The following MTFR1 variants were observed in gnomAD, a reference collection of about 807,000 sequenced individuals.
MTFR1 encodes the protein chondrocyte protein with a poly-proline region.
Under a neutral mutation model 38.8 loss-of-function variants are expected in MTFR1, and 28 were observed. The observed-to-expected ratio is 0.72, with a 90% CI of 0.53 to 0.99. MTFR1 has a LOEUF of 0.99. MTFR1 is among the 50% of genes least tolerant of loss of function. MTFR1 has a pLI of 0.00. For missense variants in MTFR1, 358 were observed against 395.5 expected (o/e 0.91, Z 0.81); for synonymous variants, 145 against 137.0 (o/e 1.06, Z -0.41).
At chr8:65,688,842 T>C (rs1194484684) in intron 3 of MTFR1, among the ~76,000 whole-genome samples, 1 of 152,120 alleles carries the variant, frequency 6.6e-6, no homozygotes, top group Non-Finnish European at 1.5e-5. Context: ...ACTATGTTGC[T>C]ATTAAGAATA....
intron 4 of MTFR1, among the ~76,000 whole-genome samples, chr8:65,698,362 A>G (rs1805508012): frequency 6.6e-6 from 1 of 150,966 alleles, no homozygotes; most frequent in Admixed American, 6.6e-5. Flanking sequence ...CTGGTCTCAA[A>G]CTCCTGAGCT....
chr8:65,773,878 A>G (rs1269669625), downstream of MTFR1, among the ~76,000 whole-genome samples: 1 of 152,212 alleles, frequency 6.6e-6, no homozygotes, highest in African/African-American at 2.4e-5. Context: ...TTATTTTACT[A>G]AATTCAGTGA....
At chr8:65,718,606 T>A (rs1206916601) in intron 2 of MTFR1, 1 of 152,180 alleles carries the variant, frequency 6.6e-6, no homozygotes, top group Non-Finnish European at 1.5e-5. Context: ...GGCACTGGAG[T>A]GAAAGCTTGG....
At chr8:65,755,754 C>G (rs1455918161) in intron 3 of MTFR1, among the ~76,000 whole-genome samples, 4 of 152,132 alleles carry the variant, frequency 2.6e-5, no homozygotes, top group African/African-American at 9.7e-5. Flanking sequence ...TGTTAATACC[C>G]TTTTATGTCA....
At chr8:65,715,069 A>G (rs144358438), downstream of MTFR1, among the ~76,000 whole-genome samples, 419 of 152,286 alleles carry the variant, frequency 2.8e-3, 1 homozygote, top group African/African-American at 9.7e-3. Context: ...TGTTGAGCCA[A>G]GAGGCCCAAA....
downstream of MTFR1, among the ~76,000 whole-genome samples, chr8:65,712,591 T>TTTTAC (rs1259765591): frequency 6.6e-6 from 1 of 152,232 alleles, no homozygotes; most frequent in Non-Finnish European, 1.5e-5. Flanking sequence ...CAATAGTTAA[T>TTTTAC]TTTACTTTAA....
At chr8:65,680,286 C>G (rs1804838765) in intron 2 of MTFR1, among the ~76,000 whole-genome samples, 1 of 152,060 alleles carries the variant, frequency 6.6e-6, no homozygotes, top group Admixed American at 6.6e-5. Flanking sequence ...GCTTTAGACT[C>G]TCCTGTAGCT....
intron 2 of MTFR1, among the ~76,000 whole-genome samples, chr8:65,681,783 T>C (rs1804903406): frequency 6.6e-6 from 1 of 151,706 alleles, no homozygotes; most frequent in African/African-American, 2.4e-5. Context: ...ATTTCTTACC[T>C]TTCCTTTGGG....
chr8:65,726,980 C>T (rs772286911), intron 3 of MTFR1: 16 of 1,439,154 alleles, frequency 1.1e-5, no homozygotes, highest in Middle Eastern at 1.7e-4. Flanking sequence ...CAACAAAGGA[C>T]GTTTCTGAGT....
upstream of MTFR1, among the ~76,000 whole-genome samples, chr8:65,644,315 T>C (rs974558282): frequency 1.3e-5 from 2 of 152,188 alleles, no homozygotes; most frequent in East Asian, 1.9e-4. Context: ...GAGGTCCGCA[T>C]AGGCATTAGA....
chr8:65,720,969 G>A (rs1806352151), intron 3 of MTFR1, among the ~76,000 whole-genome samples: 1 of 152,150 alleles, frequency 6.6e-6, no homozygotes, highest in Non-Finnish European at 1.5e-5. Flanking sequence ...CCCTCTCACT[G>A]TTCCAACTGG....
intron 3 of MTFR1, among the ~76,000 whole-genome samples, chr8:65,685,067 A>G (rs977510201): frequency 1.3e-5 from 2 of 152,244 alleles, no homozygotes; most frequent in Non-Finnish European, 2.9e-5. Flanking sequence ...ATCCTTCTGT[A>G]TCTCCACTGC....
chr8:65,665,314 A>G (rs953250508), intron 1 of MTFR1, among the ~76,000 whole-genome samples: 9 of 152,068 alleles, frequency 5.9e-5, no homozygotes, highest in Non-Finnish European at 1.3e-4. Context: ...CAGCTTTGAC[A>G]TCATTTTTGG....
At chr8:65,669,829 A>C (rs1290598986) in intron 1 of MTFR1, 44 bp from the exon 2 acceptor site, 9 of 820,654 alleles carry the variant, frequency 1.1e-5, no homozygotes, top group African/African-American at 1.8e-5. Context: ...ACAAATTCTA[A>C]ATAATAATGA....
At chr8:65,706,911 A>C in intron 5 of MTFR1, 99 bp from the exon 6 acceptor site, 1 of 1,314,544 alleles carries the variant, frequency 7.6e-7, no homozygotes, top group East Asian at 2.3e-5. Context: ...TATTGTTTTT[A>C]GGGGTACAAA....
chr8:65,745,326 G>A, intron 3 of MTFR1: 1 of 828,828 alleles, frequency 1.2e-6, no homozygotes, highest in Non-Finnish European at 2.1e-6. Flanking sequence ...TACAGTAAAT[G>A]AAAGCAACGC....
At chr8:65,777,077 C>CTTTTTTTT in the MTFR1 span, among the ~76,000 whole-genome samples, 1 of 90,456 alleles carries the variant, frequency 1.1e-5, no homozygotes, top group Non-Finnish European at 2.1e-5. Context: ...TTATCAAATG[C>CTTTTTTTT]TTTTTTTTTT....
At chr8:65,703,388 G>GT (rs1400257292) in intron 4 of MTFR1, among the ~76,000 whole-genome samples, 2 of 84,404 alleles carry the variant, frequency 2.4e-5, no homozygotes, top group African/African-American at 9.2e-5. Flanking sequence ...TTTATCTTCT[G>GT]TTTTTGGTAC....
chr8:65,775,896 T>C (rs560941232), downstream of MTFR1, among the ~76,000 whole-genome samples: 1 of 152,326 alleles, frequency 6.6e-6, no homozygotes, highest in East Asian at 1.9e-4. Flanking sequence ...TCCAAAGTGC[T>C]AGATTACGGG....
Sources: allele counts gnomAD v4.1 joint callset (sites outside exome capture counted in the v4.1 genomes callset), GRCh38; gene constraint gnomAD v4.1.1; transcripts MANE v1.5; gene names NCBI Gene and HGNC (gene_info 2026-07-23, HGNC 2026-07-21).